SUSD5: variants seen among roughly 807,000 people sequenced by gnomAD.
SUSD5 encodes sushi domain containing 5.
Under a neutral mutation model 29.5 loss-of-function variants are expected in SUSD5, and 33 were observed. The observed-to-expected ratio is 1.12, with a 90% CI of 0.85 to 1.49. The LOEUF (loss-of-function observed/expected upper bound fraction) is 1.49. SUSD5 is among the 40% of genes most tolerant of loss of function. The probability of loss-of-function intolerance (pLI) is 0.00; values close to 1 mark genes in which losing one functional copy is unlikely to be tolerated. For synonymous variants in SUSD5, 308 were observed against 325.3 expected, an observed-to-expected ratio of 0.95 and a Z score of 0.57; for missense variants, 776 against 800.6, an observed-to-expected ratio of 0.97 and a Z score of 0.37.
chr3:33,154,094 TAAGAA>T, intron 4 of SUSD5, 61 bp from the exon 5 acceptor site: 7 of 1,355,542 alleles, frequency 5.2e-6, no homozygotes, highest in Non-Finnish European at 4.9e-6. Flanking sequence ...GTATAGAACA[TAAGAA>T]AAGGAAATTA....
Position 33,191,476 on chromosome 3 carries a change from T to C in SUSD5, c.409+16332A>G, listed in dbSNP as rs543181118. Reference sequence around the variant, plus strand: ...TTGATCTGTCTGTTGTCAATGTTCATAGACTCAGTTACTGAGCCCTCAGAG... The same window carrying C: ...TTGATCTGTCTGTTGTCAATGTTCACAGACTCAGTTACTGAGCCCTCAGAG... On this transcript the variant is annotated intron_variant, in intron 3 of 4. Coordinates refer to ENST00000309558, the MANE Select transcript of SUSD5 (RefSeq NM_015551.2). 3.3e-5 allele frequency among the ~76,000 whole-genome samples: 5 copies of C among 152,186 alleles called. No individual in the cohort carries two copies. The East Asian group carries it at 9.7e-4, about 29-fold the overall frequency.
At chr3:33,163,065 C>G (rs1432783456) in intron 4 of SUSD5, among the ~76,000 whole-genome samples, 2 of 152,070 alleles carry the variant, frequency 1.3e-5, no homozygotes, top group Non-Finnish European at 2.9e-5. Context: ...TCCACACACA[C>G]AAAACTCTAG....
chr3:33,151,013 A>G lies in SUSD5; in HGVS notation c.*1729T>C, dbSNP rs2030862646. 6 of 152,266 alleles carry G rather than the reference A, an allele frequency of 3.9e-5. No homozygotes were observed. Among genetic ancestry groups the G allele is most frequent in the Non-Finnish European group, 2.9e-5 (2 of 68,028 alleles). 9.4% of individuals were successfully genotyped at this position (152,266 alleles called of 1,614,324 possible). A position where few individuals can be genotyped will look rare whatever the true frequency, so the allele number is the denominator to read the frequency against. On this transcript the variant is annotated 3_prime_UTR_variant, in exon 5 of 5. Coordinates refer to ENST00000309558, the MANE Select transcript of SUSD5 (RefSeq NM_015551.2). ...CAGGAGACTATTGCAGGTGGCATTT[A>G]GGCAGCTTCAAATGCCACCTCAGCT...
intron 3 of SUSD5, among the ~76,000 whole-genome samples, chr3:33,188,867 T>C (rs2031830170): frequency 6.6e-6 from 1 of 152,210 alleles, no homozygotes; most frequent in Non-Finnish European, 1.5e-5. Context: ...ATTTTGCTGA[T>C]GTAAATTATA....
rs766857765 is a variant in SUSD5 at position 33,207,807 on chromosome 3, C to A, written c.409+1G>T. On this transcript the variant is annotated splice_donor_variant, in intron 3 of 4. Coordinates refer to ENST00000309558, the MANE Select transcript of SUSD5 (RefSeq NM_015551.2). LOFTEE classifies it high-confidence loss of function. The stretch of plus-strand genomic sequence containing the variant: ...ACCTTTAAGAAGACTCTGGCACTGA[C>A]CTTCATCCTTAATACAAAGGGCACT... 4.4e-6 allele frequency: 7 copies of A among 1,606,438 alleles called. No individual in the cohort carries two copies. The highest frequency in any genetic ancestry group is 6.0e-6 in the Non-Finnish European group (7 of 1,173,890).
In SUSD5 at chr3:33,218,763, C is replaced by T. The variant is rs1442510956; in HGVS notation, c.35G>A (p.Trp12Ter). The change falls in exon 1 of 5, where the codon TGG (tryptophan) becomes TAG (stop). Residue 12 changes from tryptophan to a stop codon, truncating the protein, a stop_gained. Coordinates refer to ENST00000309558, the MANE Select transcript of SUSD5 (RefSeq NM_015551.2). LOFTEE classifies it high-confidence loss of function. ...CCAGAGCCCGGGGAGGCGTCTGTGC[C>T]AACGGGCAGGCGGGCTGGGTCCCTC... ...TAEGPSPPAR[W>*]HRRLPGLWAA... 1.8e-5 allele frequency: 25 copies of T among 1,426,364 alleles called. No homozygotes were observed. The highest frequency in any genetic ancestry group is 2.2e-5 in the Non-Finnish European group (24 of 1,097,026). The allele number at this position is 1,426,364 out of a possible 1,614,324, so 88.4% of individuals were successfully genotyped here.
intron 3 of SUSD5, among the ~76,000 whole-genome samples, chr3:33,183,851 A>C (rs12632512): frequency 0.25 from 37,267 of 150,580 alleles, 5,096 homozygotes; most frequent in East Asian, 0.43. Flanking sequence ...TCACTTTTGA[A>C]GGACAATTTC....
chr3:33,150,399 G>A lies in SUSD5; in HGVS notation c.*2343C>T, dbSNP rs2030844281. ...TACACTGTATTAATATTGCCTATTT[G>A]TTGGTATAAATCCAATGTTCTGGGT... On this transcript the variant is annotated 3_prime_UTR_variant, in exon 5 of 5. Coordinates refer to ENST00000309558, the MANE Select transcript of SUSD5 (RefSeq NM_015551.2). 1 of 151,736 alleles carries A rather than the reference G, an allele frequency of 6.6e-6. No individual in the cohort carries two copies. Among genetic ancestry groups the A allele is most frequent in the Non-Finnish European group, 1.5e-5 (1 of 67,892 alleles). The allele number at this position is 151,736 out of a possible 1,614,324, so 9.4% of individuals were successfully genotyped here. A position where few individuals can be genotyped will look rare whatever the true frequency, so the allele number is the denominator to read the frequency against.
chr3:33,174,479 A>AT (rs2031501659), intron 4 of SUSD5, among the ~76,000 whole-genome samples: 2 of 152,122 alleles, frequency 1.3e-5, no homozygotes, highest in Admixed American at 1.3e-4. Flanking sequence ...GCTTCCTAAC[A>AT]CATATTCATT....
At chr3:33,178,446 G>GTTTTTTTTTTTTTTTTTT (rs1559449526) in intron 3 of SUSD5, among the ~76,000 whole-genome samples, 1 of 138,104 alleles carries the variant, frequency 7.2e-6, no homozygotes, top group Non-Finnish European at 1.6e-5. Flanking sequence ...TTTTTTTTTT[G>GTTTTTTTTTTTTTTTTTT]TTGTTGTTTT....
chr3:33,193,632 G>T (rs1022926559), intron 3 of SUSD5, among the ~76,000 whole-genome samples: 5 of 152,166 alleles, frequency 3.3e-5, no homozygotes, highest in African/African-American at 1.2e-4. Flanking sequence ...GATGAAAACT[G>T]AAGCCTTTGA....
At chr3:33,206,841 A>T (rs1489212586) in intron 3 of SUSD5, among the ~76,000 whole-genome samples, 3 of 152,164 alleles carry the variant, frequency 2.0e-5, no homozygotes, top group East Asian at 1.9e-4. Context: ...AGGGAGTTTT[A>T]AAAAACCCAG....
intron 4 of SUSD5, among the ~76,000 whole-genome samples, chr3:33,158,428 C>G (rs1470734277): frequency 6.6e-6 from 1 of 152,078 alleles, no homozygotes; most frequent in African/African-American, 2.4e-5. Flanking sequence ...TCTTCTCATC[C>G]CAGCCTCTCC....
intron 4 of SUSD5, among the ~76,000 whole-genome samples, chr3:33,173,477 A>G (rs890304142): frequency 6.6e-6 from 1 of 152,242 alleles, no homozygotes; most frequent in Non-Finnish European, 1.5e-5. Context: ...GTCCACCAAC[A>G]GCTGATTGGA....
intron 3 of SUSD5, among the ~76,000 whole-genome samples, chr3:33,203,216 G>C (rs2032152769): frequency 6.6e-6 from 1 of 152,222 alleles, no homozygotes. Context: ...AGGGCGGAGG[G>C]CCTTGCAGGA....
chr3:33,175,564 T>TA (rs1491508893), intron 3 of SUSD5, among the ~76,000 whole-genome samples: 1 of 109,358 alleles, frequency 9.1e-6, no homozygotes, highest in Admixed American at 9.5e-5. Context: ...ACACACACAC[T>TA]ATATATATAT....
chr3:33,174,289 C>G (rs1025878468), intron 4 of SUSD5, among the ~76,000 whole-genome samples: 3 of 152,154 alleles, frequency 2.0e-5, no homozygotes, highest in Middle Eastern at 3.2e-3. Context: ...CTGCTTTCCT[C>G]CCAAGATTGC....
chr3:33,178,650 G>C (rs1381283700), intron 3 of SUSD5, among the ~76,000 whole-genome samples: 2 of 152,154 alleles, frequency 1.3e-5, no homozygotes, highest in East Asian at 3.8e-4. Context: ...GTTTCACCGT[G>C]TTAGCCAGGA....
chr3:33,175,576 T>TATAC (rs1553620693), intron 3 of SUSD5, among the ~76,000 whole-genome samples: 3 of 151,408 alleles, frequency 2.0e-5, no homozygotes, highest in East Asian at 3.9e-4. Context: ...TATATATATA[T>TATAC]ACACACACAC....
Sources: allele counts gnomAD v4.1 joint callset (sites outside exome capture counted in the v4.1 genomes callset), GRCh38; gene constraint gnomAD v4.1.1; transcripts MANE v1.5; gene names NCBI Gene and HGNC (gene_info 2026-07-23, HGNC 2026-07-21).